TNS1: variants seen among roughly 807,000 people sequenced by gnomAD.
TNS1 encodes the protein tensin-1.
In TNS1, 62 loss-of-function variants were observed where a neutral mutation model predicts 168.6. The ratio of observed to expected loss-of-function variants is 0.37; its 90% CI spans 0.30 to 0.45. The LOEUF is 0.45. Ranked by LOEUF, TNS1 falls within the 20% of genes least tolerant of loss-of-function variation. The pLI is 1.00. For missense variants in TNS1, 2,240 were observed against 2,339.4 expected (o/e 0.96, Z 0.88); for synonymous variants, 934 against 933.2 (o/e 1.00, Z -0.02).
chr2:217,849,182 C>T, intron 18 of TNS1, 95 bp from the exon 19 acceptor site: 1 of 1,437,592 alleles, frequency 7.0e-7, no homozygotes, highest in African/African-American at 1.4e-5. Flanking sequence ...AAGCTAAGAG[C>T]TCCCATGCCC....
chr2:217,858,245 G>A (rs1236387876), intron 18 of TNS1, among the ~76,000 whole-genome samples: 1 of 152,016 alleles, frequency 6.6e-6, no homozygotes, highest in African/African-American at 2.4e-5. Context: ...CGCCCTGAAA[G>A]CTATGGCTCT....
At chr2:217,850,316 G>A in intron 18 of TNS1, 9 of 985,354 alleles carry the variant, frequency 9.1e-6, no homozygotes, top group Non-Finnish European at 1.1e-5. Context: ...GGGTGCTGAT[G>A]CAGGGGGTTC....
chr2:217,970,520 G>C (rs944190644), intron 3 of TNS1, among the ~76,000 whole-genome samples: 8 of 152,198 alleles, frequency 5.3e-5, no homozygotes, highest in African/African-American at 1.9e-4. Flanking sequence ...CTGATGAATG[G>C]AAAAACAACA....
intron 12 of TNS1, among the ~76,000 whole-genome samples, chr2:217,887,095 T>C (rs1217997099): frequency 6.6e-6 from 1 of 152,124 alleles, no homozygotes; most frequent in Non-Finnish European, 1.5e-5. Context: ...GCGCTCATAC[T>C]CACAGCCCCA....
At chr2:217,980,241 TCTC>T (rs1046853371) in intron 2 of TNS1, among the ~76,000 whole-genome samples, 2 of 151,954 alleles carry the variant, frequency 1.3e-5, no homozygotes, top group Non-Finnish European at 2.9e-5. Context: ...CTCAGGGACA[TCTC>T]CACCCTGGCC....
In TNS1 at chr2:217,821,759, G is replaced by A. The variant is rs759161200; in HGVS notation, c.3553C>T (p.Pro1185Ser). 2 of 1,494,168 alleles carry A rather than the reference G, an allele frequency of 1.3e-6. No homozygotes were observed. Among genetic ancestry groups the A allele is most frequent in the Admixed American group, 2.4e-5 (1 of 40,846 alleles). 92.6% of individuals were successfully genotyped at this position (1,494,168 alleles called of 1,614,324 possible). A position where few individuals can be genotyped will look rare whatever the true frequency, so the allele number is the denominator to read the frequency against. ...VSPSPLSTSS[P>S]ILSADSTSVG... ...GCTTACCTGTCAGCACTGAGGATGG[G>A]GCTGCTGGTGGAGAGGGGGCTGGGG... The change falls in exon 23 of 33, where the codon CCC becomes TCC. Residue 1185 changes from proline (P) to serine (S), a missense_variant. Transcript: ENST00000682258.
chr2:217,930,926 T>C (rs536985511), intron 3 of TNS1, among the ~76,000 whole-genome samples: 1 of 151,848 alleles, frequency 6.6e-6, no homozygotes, highest in African/African-American at 2.4e-5. Context: ...TTCTAGGAAG[T>C]TCCTAGAAGA....
intron 18 of TNS1, chr2:217,858,627 G>T (rs926866369): frequency 6.3e-6 from 6 of 950,908 alleles, no homozygotes; most frequent in Middle Eastern, 5.3e-4. Context: ...AGCTCCCTCC[G>T]ACTGTCAGGG....
At chr2:217,864,483 C>T (rs1949080988) in intron 18 of TNS1, among the ~76,000 whole-genome samples, 1 of 152,180 alleles carries the variant, frequency 6.6e-6, no homozygotes, top group South Asian at 2.1e-4. Context: ...CTCTGACATT[C>T]ATGCTCTTTC....
At chr2:217,985,088 T>C (rs1175320572) in intron 2 of TNS1, among the ~76,000 whole-genome samples, 2 of 150,424 alleles carry the variant, frequency 1.3e-5, no homozygotes, top group Non-Finnish European at 1.5e-5. Flanking sequence ...TTTTTTTAGC[T>C]CATCAGCTAT....
intron 1 of TNS1, among the ~76,000 whole-genome samples, chr2:217,994,440 C>T (rs1040324762): frequency 1.2e-4 from 18 of 152,178 alleles, no homozygotes; most frequent in African/African-American, 4.1e-4. Flanking sequence ...TCTCCTGGTC[C>T]GACTCTGGCA....
At chr2:217,858,306 C>T (rs1434287272) in intron 18 of TNS1, among the ~76,000 whole-genome samples, 1 of 152,136 alleles carries the variant, frequency 6.6e-6, no homozygotes, top group African/African-American at 2.4e-5. Context: ...CCCGTCACAT[C>T]CACATCAGAC....
chr2:217,874,235 C>A (rs748250893), intron 18 of TNS1, among the ~76,000 whole-genome samples: 44 of 152,170 alleles, frequency 2.9e-4, no homozygotes, highest in Non-Finnish European at 6.2e-4. Flanking sequence ...CAGTAGTATA[C>A]AAAACAAGTA....
At chr2:217,850,632 C>T (rs1022229721) in intron 18 of TNS1, 52 of 880,556 alleles carry the variant, frequency 5.9e-5, no homozygotes, top group South Asian at 5.6e-5. Context: ...CACGCACGCA[C>T]GCACCTCCCC....
upstream of TNS1, among the ~76,000 whole-genome samples, chr2:218,013,749 A>C (rs1266649977): frequency 1.3e-5 from 2 of 152,074 alleles, no homozygotes; most frequent in African/African-American, 2.4e-5. Context: ...AAGGGGGGCT[A>C]TACTGGGGGT....
At chr2:217,835,920 A>G (rs2125324329) in intron 20 of TNS1, 95 bp downstream of exon 20, 2 of 1,109,380 alleles carry the variant, frequency 1.8e-6, no homozygotes, top group South Asian at 1.5e-5. Flanking sequence ...CACTGAGTAT[A>G]CTGATATCAG....
chr2:217,959,105 A>G (rs1271591437), intron 3 of TNS1, among the ~76,000 whole-genome samples: 13 of 152,224 alleles, frequency 8.5e-5, no homozygotes, highest in Non-Finnish European at 1.8e-4. Flanking sequence ...TCGGCAGCCC[A>G]GGAGTCCTGG....
At chr2:217,924,089 T>A (rs543942578) in intron 3 of TNS1, among the ~76,000 whole-genome samples, 1 of 152,302 alleles carries the variant, frequency 6.6e-6, no homozygotes, top group Admixed American at 6.5e-5. Flanking sequence ...CTCAGCCCCC[T>A]TGTCCGGGAC....
chr2:217,922,858 G>A (rs367769182), intron 3 of TNS1, among the ~76,000 whole-genome samples: 12 of 152,310 alleles, frequency 7.9e-5, no homozygotes, highest in African/African-American at 2.6e-4. Context: ...TCCATCCTCC[G>A]CCCACAGCCG....
Sources: allele counts gnomAD v4.1 joint callset (sites outside exome capture counted in the v4.1 genomes callset), GRCh38; gene constraint gnomAD v4.1.1; transcripts MANE v1.5; gene names NCBI Gene and HGNC (gene_info 2026-07-23, HGNC 2026-07-21).